RIMS2: variants seen among roughly 807,000 people sequenced by gnomAD.
RIMS2 encodes the protein regulating synaptic membrane exocytosis 2, also known as regulating synaptic membrane exocytosis protein 2.
RIMS2 carries 59 observed loss-of-function variants against 174.4 expected under a neutral mutation model. The observed-to-expected ratio is 0.34, with a 90% CI of 0.27 to 0.42. The LOEUF is 0.42. Ranked by LOEUF, RIMS2 falls within the 10% of genes least tolerant of loss-of-function variation. RIMS2 has a pLI of 1.00. For synonymous variants in RIMS2, 606 were observed against 572.5 expected (o/e 1.06, Z -0.84); for missense variants, 1,620 against 1,666.3 (o/e 0.97, Z 0.48).
intron 19 of RIMS2, among the ~76,000 whole-genome samples, chr8:104,029,089 T>A (rs1464561299): frequency 6.6e-6 from 1 of 152,160 alleles, no homozygotes; most frequent in African/African-American, 2.4e-5. Flanking sequence ...TTCCTGACAT[T>A]GCCATGCCAT....
At chr8:104,129,550 T>A (rs887425559) in intron 19 of RIMS2, among the ~76,000 whole-genome samples, 1 of 152,210 alleles carries the variant, frequency 6.6e-6, no homozygotes, top group Non-Finnish European at 1.5e-5. Flanking sequence ...CTGTGCCAGA[T>A]AGGGCGATGC....
In RIMS2 at chr8:103,877,924, A is replaced by C. The variant is rs549389183; in HGVS notation, c.699-7374A>C. Among the ~76,000 whole-genome samples, 3 of 150,916 alleles carry C rather than the reference A, an allele frequency of 2.0e-5. No individual in the cohort carries two copies. In the East Asian group the frequency reaches 5.8e-4, roughly 29 times the overall value. On this transcript the variant is annotated intron_variant, in intron 3 of 23. Transcript: ENST00000504942. ...ATGATTACTTTCATCAATGTTTTGT[A>C]GTTCTACTTGTAGAGATCTTTCACC...
chr8:104,054,972 G>T, intron 19 of RIMS2, among the ~76,000 whole-genome samples: 1 of 151,982 alleles, frequency 6.6e-6, no homozygotes, highest in Non-Finnish European at 1.5e-5. Flanking sequence ...TCCTCTCTCT[G>T]TATAGGAATC....
chr8:103,708,372 C>T (rs2097259784), intron 2 of RIMS2, among the ~76,000 whole-genome samples: 1 of 152,202 alleles, frequency 6.6e-6, no homozygotes, highest in Admixed American at 6.5e-5. Context: ...ATTCTTTCCT[C>T]TGGCTGTGCT....
At chr8:104,223,569 C>G (rs2099166644) in intron 19 of RIMS2, 1 of 1,461,816 alleles carries the variant, frequency 6.8e-7, no homozygotes, top group African/African-American at 1.4e-5. Flanking sequence ...GCCCACTGGT[C>G]CCGGAACCGC....
At chr8:103,655,556 A>G (rs1354580955) in intron 1 of RIMS2, among the ~76,000 whole-genome samples, 1 of 152,154 alleles carries the variant, frequency 6.6e-6, no homozygotes, top group East Asian at 1.9e-4. Context: ...ATGTTTTGCT[A>G]TGATTAATAA....
intron 1 of RIMS2, among the ~76,000 whole-genome samples, chr8:103,692,514 C>T (rs1052147798): frequency 6.6e-6 from 1 of 152,224 alleles, no homozygotes; most frequent in Non-Finnish European, 1.5e-5. Flanking sequence ...GAAGCCAGCA[C>T]ATCTGTGAGT....
At chr8:103,878,221 C>T (rs947513086) in intron 3 of RIMS2, among the ~76,000 whole-genome samples, 20 of 151,822 alleles carry the variant, frequency 1.3e-4, no homozygotes, top group Non-Finnish European at 2.8e-4. Flanking sequence ...CCTGAGGCCT[C>T]CACAGCCATG....
At chr8:104,119,235 C>T (rs578201122) in intron 19 of RIMS2, among the ~76,000 whole-genome samples, 1 of 151,810 alleles carries the variant, frequency 6.6e-6, no homozygotes, top group African/African-American at 2.4e-5. Flanking sequence ...CGGCATGCAC[C>T]TGTAGTCCCA....
chr8:103,943,190 A>C lies in RIMS2; in HGVS notation c.2701+264A>C, dbSNP rs867400664. 3.3e-5 allele frequency among the ~76,000 whole-genome samples: 5 copies of C among 152,350 alleles called. No individual in the cohort carries two copies. In the South Asian group the frequency reaches 8.3e-4, roughly 25 times the overall value. ...TTGGATGATATGACACCAAATAAGC[A>C]TATTTACATTTAAATCTTAGTGCTT... is the stretch of plus-strand genomic sequence containing the variant. On this transcript the variant is annotated intron_variant, in intron 14 of 23. Transcript: ENST00000504942.
chr8:104,078,144 A>G (rs1285882673), intron 19 of RIMS2, among the ~76,000 whole-genome samples: 2 of 146,560 alleles, frequency 1.4e-5, no homozygotes, highest in African/African-American at 2.6e-5. Context: ...CATCTCAAAA[A>G]CAAACAAAAA....
chr8:103,674,215 G>A (rs1361211099), intron 1 of RIMS2, among the ~76,000 whole-genome samples: 1 of 152,130 alleles, frequency 6.6e-6, no homozygotes, highest in African/African-American at 2.4e-5. Flanking sequence ...TCCCTAAGAA[G>A]TTCCAAACTT....
At chr8:103,724,292 ATCCTAC>A (rs779321076) in intron 2 of RIMS2, among the ~76,000 whole-genome samples, 56 of 151,944 alleles carry the variant, frequency 3.7e-4, no homozygotes, top group Non-Finnish European at 6.0e-4. Flanking sequence ...GGGTAGAAAA[ATCCTAC>A]TCTGCCATCT....
In RIMS2 at chr8:104,089,543, G is replaced by A. The variant is rs1051614167; in HGVS notation, c.3334+74928G>A. ...ATTTTATTTATAAAAAATATTTTTC[G>A]TATTCTTTCTCACTGTCCAGATTTC... On this transcript the variant is annotated intron_variant, in intron 19 of 23. Transcript: ENST00000504942. Among the ~76,000 whole-genome samples, 7 of 151,466 alleles carry A rather than the reference G, an allele frequency of 4.6e-5. No individual in the cohort carries two copies. The East Asian group carries it at 7.7e-4, about 17-fold the overall frequency.
intron 19 of RIMS2, among the ~76,000 whole-genome samples, chr8:104,162,845 T>G (rs2098771853): frequency 6.6e-6 from 1 of 152,150 alleles, no homozygotes; most frequent in South Asian, 2.1e-4. Flanking sequence ...ATAAGTGCCT[T>G]AAGGTTTTTG....
In RIMS2 at chr8:103,649,799, A is replaced by G. The variant is rs151311199; in HGVS notation, c.177-47287A>G. ...GGTTATATTCCTCTCTAAACTGGCT[A>G]TTCTGGCTATCAGCTCCTGTATTGT... On this transcript the variant is annotated intron_variant, in intron 1 of 23. Transcript: ENST00000504942. 6.1e-4 allele frequency among the ~76,000 whole-genome samples: 93 copies of G among 152,158 alleles called. 2 individuals carry two copies. In the East Asian group the frequency reaches 0.016, roughly 26 times the overall value.
At chr8:103,708,969 G>T (rs1386268468) in intron 2 of RIMS2, among the ~76,000 whole-genome samples, 2 of 151,768 alleles carry the variant, frequency 1.3e-5, no homozygotes, top group East Asian at 3.9e-4. Flanking sequence ...TTTAATCTTA[G>T]TTTTATTTTT....
exon 16 of RIMS2, chr8:103,975,506 G>A (rs2093335305): frequency 6.2e-7 from 1 of 1,610,264 alleles, no homozygotes. Flanking sequence ...CCTCCACAAA[G>A]GTAAGATAGA....
chr8:104,214,442 T>A (rs2099120575), intron 19 of RIMS2, among the ~76,000 whole-genome samples: 1 of 152,118 alleles, frequency 6.6e-6, no homozygotes, highest in Non-Finnish European at 1.5e-5. Flanking sequence ...GACAAACCCT[T>A]ATTGAAAGAT....
Sources: allele counts gnomAD v4.1 joint callset (sites outside exome capture counted in the v4.1 genomes callset), GRCh38; gene constraint gnomAD v4.1.1; transcripts MANE v1.5; gene names NCBI Gene and HGNC (gene_info 2026-07-23, HGNC 2026-07-21).